Variants in NRG1 observed in about 807,000 individuals in gnomAD.
NRG1 encodes pro-neuregulin-1, membrane-bound isoform.
In NRG1, 18 loss-of-function variants were observed where a neutral mutation model predicts 63.8. The observed-to-expected ratio is 0.28, with a 90% CI of 0.19 to 0.42. NRG1 has a LOEUF of 0.42. Among genes scored for constraint, NRG1 ranks in the 10% least tolerant of loss-of-function variants. NRG1 has a pLI of 1.00. For missense variants in NRG1, 762 were observed against 814.7 expected, an observed-to-expected ratio of 0.94 and a Z score of 0.79; for synonymous variants, 302 against 301.3, an observed-to-expected ratio of 1.00 and a Z score of -0.02.
At chr8:31,679,220 T>A (rs1808065247) in intron 1 of NRG1, among the ~76,000 whole-genome samples, 1 of 152,166 alleles carries the variant, frequency 6.6e-6, no homozygotes, top group Admixed American at 6.6e-5. Flanking sequence ...CTGCTACATT[T>A]GTTTTTAGAT....
intron 1 of NRG1, among the ~76,000 whole-genome samples, chr8:32,488,938 G>A (rs773345125): frequency 2.0e-5 from 3 of 152,188 alleles, no homozygotes; most frequent in African/African-American, 4.8e-5. Flanking sequence ...ACTTCATTGA[G>A]GGGCATAAAG....
intron 5 of NRG1, among the ~76,000 whole-genome samples, chr8:32,719,360 C>A (rs1304390050): frequency 1.3e-5 from 2 of 151,984 alleles, no homozygotes; most frequent in African/African-American, 4.8e-5. Context: ...GTAGCCATCA[C>A]CCACTTCAGC....
rs372096517 is a variant in NRG1 at position 32,137,244 on chromosome 8, A to C, written c.38-458584A>C. Among the ~76,000 whole-genome samples the C allele has an allele frequency of 3.9e-5, 6 of 152,162 alleles. No individual in the cohort carries two copies. The South Asian group carries it at 1.2e-3, about 32-fold the overall frequency. Reference sequence around the variant, plus strand: ...GTGGATCATTTGAGGTCACGAGTTCAAGACCAGCCTGGCCAACATGGCGAA... The same window carrying C: ...GTGGATCATTTGAGGTCACGAGTTCCAGACCAGCCTGGCCAACATGGCGAA... On this transcript the variant is annotated intron_variant, in intron 1 of 10. Transcript: ENST00000519301.
chr8:32,067,606 G>C (rs183867954), intron 1 of NRG1, among the ~76,000 whole-genome samples: 6 of 152,024 alleles, frequency 3.9e-5, no homozygotes, highest in African/African-American at 7.2e-5. Flanking sequence ...TTTTATGGCC[G>C]TCAATTTTTG....
At chr8:32,017,285 A>G (rs1815692567) in intron 1 of NRG1, among the ~76,000 whole-genome samples, 1 of 152,240 alleles carries the variant, frequency 6.6e-6, no homozygotes, top group Non-Finnish European at 1.5e-5. Context: ...TGGAGTGGAA[A>G]AACTGTATTG....
rs1319373048 is a variant in NRG1 at position 32,607,996 on chromosome 8, T to C, written c.400+2313T>C. Among the ~76,000 whole-genome samples, 5 of 151,910 alleles carry C rather than the reference T, an allele frequency of 3.3e-5. 1 individual carries two copies. The highest frequency in any genetic ancestry group is 1.2e-4 in the African/African-American group (5 of 41,332). ...TCATCCTTATCCAACCCCTTCATTGTATTAAAAAAGAATAAAAGACAGCAT... is the reference window on the plus strand; with the variant it reads ...TCATCCTTATCCAACCCCTTCATTGCATTAAAAAAGAATAAAAGACAGCAT... On this transcript the variant is annotated intron_variant, in intron 3 of 11. Transcript: ENST00000356819.
intron 1 of NRG1, among the ~76,000 whole-genome samples, chr8:31,865,500 T>A (rs1357147462): frequency 2.0e-5 from 3 of 152,100 alleles, no homozygotes; most frequent in Non-Finnish European, 4.4e-5. Context: ...ATAATCTCCA[T>A]GTGTCATGGG....
intron 5 of NRG1, among the ~76,000 whole-genome samples, chr8:32,645,398 T>C (rs1334010371): frequency 6.6e-6 from 1 of 152,256 alleles, no homozygotes; most frequent in East Asian, 1.9e-4. Context: ...TAGTCATGGT[T>C]ACATTTATGC....
chr8:32,315,925 T>C (rs1027228003), intron 1 of NRG1, among the ~76,000 whole-genome samples: 6 of 152,232 alleles, frequency 3.9e-5, no homozygotes, highest in African/African-American at 1.4e-4. Context: ...GCAGACTTCA[T>C]GTACCCTGTA....
chr8:32,398,829 G>C (rs932750332), intron 1 of NRG1, among the ~76,000 whole-genome samples: 1 of 152,024 alleles, frequency 6.6e-6, no homozygotes, highest in African/African-American at 2.4e-5. Context: ...ATTTTTGTTT[G>C]GACTTTACAA....
chr8:31,691,190 G>C (rs934836580), intron 1 of NRG1, among the ~76,000 whole-genome samples: 5 of 152,126 alleles, frequency 3.3e-5, no homozygotes, highest in African/African-American at 1.2e-4. Context: ...AGGAGGTAAA[G>C]TAGCAAATGA....
intron 1 of NRG1, among the ~76,000 whole-genome samples, chr8:32,230,582 T>C (rs1311353774): frequency 6.6e-6 from 1 of 151,844 alleles, no homozygotes; most frequent in Non-Finnish European, 1.5e-5. Context: ...AAATCAAATA[T>C]AGAAACAAGA....
At chr8:32,006,912 C>T (rs748593015) in intron 1 of NRG1, among the ~76,000 whole-genome samples, 1 of 151,988 alleles carries the variant, frequency 6.6e-6, no homozygotes, top group African/African-American at 2.4e-5. Flanking sequence ...TTGTTTTAAG[C>T]CATTGAGCTC....
At chr8:32,353,806 T>G (rs1178517509) in intron 1 of NRG1, among the ~76,000 whole-genome samples, 1 of 152,212 alleles carries the variant, frequency 6.6e-6, no homozygotes, top group Non-Finnish European at 1.5e-5. Context: ...AGCCAGCCAG[T>G]CCACTCCTGG....
At chr8:32,236,780 C>T (rs1309577383) in intron 1 of NRG1, among the ~76,000 whole-genome samples, 1 of 152,202 alleles carries the variant, frequency 6.6e-6, no homozygotes, top group Non-Finnish European at 1.5e-5. Context: ...GTGGGAATCA[C>T]AGTTAACCTG....
At chr8:31,759,140 G>T (rs1817273533) in intron 1 of NRG1, among the ~76,000 whole-genome samples, 1 of 152,044 alleles carries the variant, frequency 6.6e-6, no homozygotes, top group Non-Finnish European at 1.5e-5. Context: ...ACGTATTGTG[G>T]ATATGATTCT....
At chr8:32,588,789 T>C (rs1842053452) in intron 1 of NRG1, among the ~76,000 whole-genome samples, 1 of 152,186 alleles carries the variant, frequency 6.6e-6, no homozygotes, top group East Asian at 1.9e-4. Context: ...GAGAGTCAGC[T>C]TGAGAATATA....
intron 1 of NRG1, among the ~76,000 whole-genome samples, chr8:32,553,049 C>A (rs1021305189): frequency 1.3e-5 from 2 of 152,174 alleles, no homozygotes; most frequent in Admixed American, 1.3e-4. Context: ...CAGCAAGATG[C>A]CAGATGGCCT....
At chr8:32,557,768 C>G (rs1021965778) in intron 1 of NRG1, among the ~76,000 whole-genome samples, 1 of 151,876 alleles carries the variant, frequency 6.6e-6, no homozygotes, top group Non-Finnish European at 1.5e-5. Flanking sequence ...TGGAAATGAG[C>G]GGGTAGGTTT....
Sources: allele counts gnomAD v4.1 joint callset (sites outside exome capture counted in the v4.1 genomes callset), GRCh38; gene constraint gnomAD v4.1.1; transcripts MANE v1.5; gene names NCBI Gene and HGNC (gene_info 2026-07-23, HGNC 2026-07-21).